HS3ST4: variants seen among roughly 807,000 people sequenced by gnomAD.
HS3ST4 encodes the protein heparan sulfate-glucosamine 3-sulfotransferase 4.
Under a neutral mutation model 29.2 loss-of-function variants are expected in HS3ST4, and 17 were observed. The ratio of observed to expected loss-of-function variants is 0.58; its 90% CI spans 0.40 to 0.87. HS3ST4 has a LOEUF of 0.87. HS3ST4 is among the 40% of genes least tolerant of loss of function. The pLI, the probability that HS3ST4 is intolerant of heterozygous loss-of-function variation, is 0.00. For missense variants in HS3ST4, 627 were observed against 634.5 expected (o/e 0.99, Z 0.13); for synonymous variants, 314 against 285.7 (o/e 1.10, Z -1.00).
chr16:25,697,805 T>A (rs1323958364), intron 1 of HS3ST4, among the ~76,000 whole-genome samples: 1 of 152,194 alleles, frequency 6.6e-6, no homozygotes, highest in Non-Finnish European at 1.5e-5. Flanking sequence ...CCTGAGTAGC[T>A]GGGACTACAG....
intron 1 of HS3ST4, among the ~76,000 whole-genome samples, chr16:25,867,403 A>G (rs1967706956): frequency 6.6e-6 from 1 of 152,094 alleles, no homozygotes; most frequent in Non-Finnish European, 1.5e-5. Context: ...CAACTCTTAG[A>G]TTTGAAACTC....
chr16:25,897,637 G>A (rs1233465037), intron 1 of HS3ST4, among the ~76,000 whole-genome samples: 1 of 151,984 alleles, frequency 6.6e-6, no homozygotes, highest in Non-Finnish European at 1.5e-5. Context: ...GATAACACAT[G>A]GGGAGTGTGT....
intron 1 of HS3ST4, among the ~76,000 whole-genome samples, chr16:26,112,740 T>C (rs1899149046): frequency 6.6e-6 from 1 of 152,000 alleles, no homozygotes; most frequent in South Asian, 2.1e-4. Flanking sequence ...ATTTCACCCA[T>C]GAGGACACAC....
At chr16:25,809,076 A>G (rs1007317939) in intron 1 of HS3ST4, among the ~76,000 whole-genome samples, 2 of 152,050 alleles carry the variant, frequency 1.3e-5, no homozygotes, top group Admixed American at 1.3e-4. Context: ...CGATATCTAT[A>G]GCTTTTCTTT....
chr16:25,933,476 G>A (rs1478517840), intron 1 of HS3ST4: 1 of 474,408 alleles, frequency 2.1e-6, no homozygotes, highest in South Asian at 1.5e-5. Flanking sequence ...TCTTAGAGTG[G>A]AACACAAAAT....
chr16:25,959,900 C>T (rs12925226), intron 1 of HS3ST4, among the ~76,000 whole-genome samples: 9,701 of 152,046 alleles, frequency 0.064, 421 homozygotes, highest in Non-Finnish European at 0.1. Flanking sequence ...TTTGGGAGGC[C>T]GAGGTGTGTG....
rs145255158 is a variant in HS3ST4 at position 26,117,678 on chromosome 16, C to T, written c.735-17934C>T. Among the ~76,000 whole-genome samples, 382 of 152,314 alleles carry T rather than the reference C, an allele frequency of 2.5e-3. 2 individuals are homozygous for T. Among genetic ancestry groups the T allele is most frequent in the African/African-American group, 8.4e-3 (350 of 41,580 alleles). On this transcript the variant is annotated intron_variant, in intron 1 of 1. Coordinates refer to ENST00000331351, the MANE Select transcript of HS3ST4 (RefSeq NM_006040.3). ...TGGTAGCAATGAGATGGAGGCCTGC[C>T]GGAGCCCAAGCCCTGCTTAGCACAC... is the stretch of plus-strand genomic sequence containing the variant.
chr16:25,756,390 A>G lies in HS3ST4; in HGVS notation c.734+63239A>G, dbSNP rs150135589. Among the ~76,000 whole-genome samples the G allele has an allele frequency of 2.6e-4, 40 of 152,278 alleles. 1 individual carries two copies. The East Asian group carries it at 6.9e-3, about 26-fold the overall frequency. On this transcript the variant is annotated intron_variant, in intron 1 of 1. Coordinates refer to ENST00000331351, the MANE Select transcript of HS3ST4 (RefSeq NM_006040.3). ...GCGGTGGGAGGTGAGTGCAGGGTAC[A>G]TCTAAAAGCTGAACTGTTAAATAGA...
intron 1 of HS3ST4, among the ~76,000 whole-genome samples, chr16:26,011,442 C>A (rs1381286184): frequency 6.6e-6 from 1 of 152,174 alleles, no homozygotes; most frequent in Non-Finnish European, 1.5e-5. Flanking sequence ...CATCTGTAAT[C>A]CTGGCTATTC....
chr16:25,761,980 G>A (rs192810619), intron 1 of HS3ST4, among the ~76,000 whole-genome samples: 2 of 152,134 alleles, frequency 1.3e-5, no homozygotes, highest in Admixed American at 1.3e-4. Flanking sequence ...ATAGTTTGAA[G>A]CCCTCACCCC....
intron 1 of HS3ST4, among the ~76,000 whole-genome samples, chr16:25,807,578 C>A (rs1967001526): frequency 6.6e-6 from 1 of 152,208 alleles, no homozygotes; most frequent in Admixed American, 6.5e-5. Flanking sequence ...GACTTCTGAG[C>A]TGTTTCCAGC....
chr16:26,077,874 C>A (rs905628375), intron 1 of HS3ST4, among the ~76,000 whole-genome samples: 2 of 152,102 alleles, frequency 1.3e-5, no homozygotes, highest in African/African-American at 4.8e-5. Flanking sequence ...AGTTTGAGAC[C>A]AGCCTGGGCA....
intron 1 of HS3ST4, among the ~76,000 whole-genome samples, chr16:25,755,696 T>C (rs1346529931): frequency 6.6e-6 from 1 of 152,230 alleles, no homozygotes; most frequent in Non-Finnish European, 1.5e-5. Context: ...CTAGCTTCTC[T>C]TGGAAAAATC....
chr16:25,970,896 G>A (rs1255121845), intron 1 of HS3ST4, among the ~76,000 whole-genome samples: 1 of 151,978 alleles, frequency 6.6e-6, no homozygotes, highest in Admixed American at 6.5e-5. Context: ...TGTCGCTCAG[G>A]CTGGAGTGCA....
intron 1 of HS3ST4, among the ~76,000 whole-genome samples, chr16:26,059,426 T>C (rs968357684): frequency 6.6e-6 from 1 of 152,166 alleles, no homozygotes; most frequent in Admixed American, 6.6e-5. Context: ...CAAAACATTA[T>C]CTTTTATGCC....
At chr16:25,907,726 C>T (rs902089223) in intron 1 of HS3ST4, among the ~76,000 whole-genome samples, 1 of 152,184 alleles carries the variant, frequency 6.6e-6, no homozygotes, top group African/African-American at 2.4e-5. Flanking sequence ...ACACAGTGCA[C>T]ATGTTCTGCA....
At chr16:25,727,601 T>C (rs1966545295) in intron 1 of HS3ST4, among the ~76,000 whole-genome samples, 2 of 152,112 alleles carry the variant, frequency 1.3e-5, no homozygotes, top group Admixed American at 1.3e-4. Context: ...GTGGAGAAAA[T>C]CTAACAGACA....
At chr16:25,937,391 G>A (rs1314066435) in intron 1 of HS3ST4, among the ~76,000 whole-genome samples, 2 of 152,112 alleles carry the variant, frequency 1.3e-5, no homozygotes, top group Non-Finnish European at 2.9e-5. Context: ...TTCTATTTTT[G>A]TTATATCACT....
chr16:25,845,229 C>T (rs1967452896), intron 1 of HS3ST4, among the ~76,000 whole-genome samples: 1 of 152,104 alleles, frequency 6.6e-6, no homozygotes, highest in African/African-American at 2.4e-5. Flanking sequence ...TAAATGTAGG[C>T]CGGGCACGGG....
Sources: allele counts gnomAD v4.1 joint callset (sites outside exome capture counted in the v4.1 genomes callset), GRCh38; gene constraint gnomAD v4.1.1; transcripts MANE v1.5; gene names NCBI Gene and HGNC (gene_info 2026-07-23, HGNC 2026-07-21).